Variants in CADM1 observed in about 807,000 individuals in gnomAD.
CADM1 encodes the protein cell adhesion molecule 1, also known as TSLC-1.
A neutral mutation model predicts 53.1 loss-of-function variants in CADM1; 15 were observed. That is an observed-to-expected ratio of 0.28 (90% CI 0.19 to 0.44). CADM1 has a LOEUF of 0.44. CADM1 is among the 20% of genes least tolerant of loss of function. The pLI is 1.00. For missense variants in CADM1, 434 were observed against 611.3 expected (o/e 0.71, Z 3.06); for synonymous variants, 281 against 243.0 (o/e 1.16, Z -1.45).
intron 1 of CADM1, among the ~76,000 whole-genome samples, chr11:115,302,949 G>A (rs1477498514): frequency 6.6e-6 from 1 of 152,006 alleles, no homozygotes; most frequent in Non-Finnish European, 1.5e-5. Context: ...CAAGATGCCA[G>A]AAGAAAAAAG....
At chr11:115,254,681 G>A (rs770312466) in intron 1 of CADM1, among the ~76,000 whole-genome samples, 1 of 152,004 alleles carries the variant, frequency 6.6e-6, no homozygotes, top group Non-Finnish European at 1.5e-5. Context: ...GTTGGGATAA[G>A]GGTGCAGCTT....
intron 1 of CADM1, among the ~76,000 whole-genome samples, chr11:115,288,059 G>T (rs1285004940): frequency 6.6e-6 from 1 of 152,204 alleles, no homozygotes; most frequent in African/African-American, 2.4e-5. Context: ...CATTCTGTGT[G>T]AAGAAATTCC....
Position 115,488,898 on chromosome 11 carries a change from C to G in CADM1, c.124+15373G>C, listed in dbSNP as rs563974469. On this transcript the variant is annotated intron_variant, in intron 1 of 11. Coordinates refer to ENST00000331581, the MANE Select transcript of CADM1 (RefSeq NM_001301043.2). ...GATCTATTTTTTGATCCTGTAGCCA[C>G]TGACTCCAGATACATCTTTATTACT... Among the ~76,000 whole-genome samples the G allele has an allele frequency of 1.3e-5, 2 of 152,324 alleles. 1 individual carries two copies. The highest frequency in any genetic ancestry group is 4.1e-4 in the South Asian group (2 of 4,828).
chr11:115,277,365 C>T (rs1315171335), intron 1 of CADM1, among the ~76,000 whole-genome samples: 1 of 152,112 alleles, frequency 6.6e-6, no homozygotes, highest in African/African-American at 2.4e-5. Flanking sequence ...TTAACAACAA[C>T]AGAATGTGCA....
At chr11:115,466,549 A>G (rs1429772198) in intron 1 of CADM1, among the ~76,000 whole-genome samples, 1 of 152,218 alleles carries the variant, frequency 6.6e-6, no homozygotes, top group Non-Finnish European at 1.5e-5. Flanking sequence ...TGGAAATATA[A>G]ATCAACAAGA....
chr11:115,466,127 C>A (rs1948894513), intron 1 of CADM1, among the ~76,000 whole-genome samples: 1 of 152,092 alleles, frequency 6.6e-6, no homozygotes, highest in Non-Finnish European at 1.5e-5. Flanking sequence ...AAAACTTCCA[C>A]CATTTCCCCC....
At chr11:115,485,032 T>C (rs950067406) in intron 1 of CADM1, among the ~76,000 whole-genome samples, 2 of 152,106 alleles carry the variant, frequency 1.3e-5, no homozygotes, top group Non-Finnish European at 2.9e-5. Flanking sequence ...GCTAAATCTC[T>C]AAGTCGAATC....
chr11:115,242,676 G>A (rs1238496704), intron 1 of CADM1, among the ~76,000 whole-genome samples: 3 of 152,130 alleles, frequency 2.0e-5, no homozygotes, highest in Non-Finnish European at 4.4e-5. Context: ...GGTCTTACTG[G>A]GTTATGGGAG....
At position 115,300,919 on chromosome 11, in the gene CADM1, G is replaced by A. The variant is rs1273722965; in HGVS notation, c.125-60499C>T. On this transcript the variant is annotated intron_variant, in intron 1 of 11. Coordinates refer to ENST00000331581, the MANE Select transcript of CADM1 (RefSeq NM_001301043.2). The stretch of plus-strand genomic sequence containing the variant: ...AAATTGCAAAAGTTCCGAGGAGAAG[G>A]GAGTTTCTCTAACCATCTATGAAGC... 2.0e-5 allele frequency among the ~76,000 whole-genome samples: 3 copies of A among 152,130 alleles called. No individual in the cohort carries two copies. The East Asian group carries it at 5.8e-4, about 29-fold the overall frequency.
chr11:115,261,700 G>T (rs1158373293), intron 1 of CADM1, among the ~76,000 whole-genome samples: 1 of 151,692 alleles, frequency 6.6e-6, no homozygotes, highest in Non-Finnish European at 1.5e-5. Context: ...ACATTGAAAA[G>T]ACTTTTGTAA....
chr11:115,447,670 A>C (rs1355481029), intron 1 of CADM1, among the ~76,000 whole-genome samples: 1 of 152,194 alleles, frequency 6.6e-6, no homozygotes, highest in African/African-American at 2.4e-5. Context: ...TGGATCCTGC[A>C]GAGCAGAGCA....
intron 1 of CADM1, among the ~76,000 whole-genome samples, chr11:115,462,034 G>A (rs2135374637): frequency 6.6e-6 from 1 of 152,220 alleles, no homozygotes; most frequent in African/African-American, 2.4e-5. Context: ...GGTAGAGGGA[G>A]AAAAAAGAGC....
At chr11:115,352,673 A>G (rs901546841) in intron 1 of CADM1, among the ~76,000 whole-genome samples, 3 of 152,196 alleles carry the variant, frequency 2.0e-5, no homozygotes, top group African/African-American at 7.2e-5. Flanking sequence ...GAGAAGGTAG[A>G]AAAAACACAG....
At chr11:115,320,127 G>A (rs1383943840) in intron 1 of CADM1, among the ~76,000 whole-genome samples, 2 of 152,088 alleles carry the variant, frequency 1.3e-5, no homozygotes, top group Admixed American at 1.3e-4. Flanking sequence ...GCAGTAGTGC[G>A]ATCATAGCTC....
chr11:115,276,477 C>G (rs1020866677), intron 1 of CADM1, among the ~76,000 whole-genome samples: 4 of 152,180 alleles, frequency 2.6e-5, no homozygotes, highest in Middle Eastern at 3.2e-3. Flanking sequence ...GCCAAGTCAA[C>G]AGACAAAGCG....
intron 1 of CADM1, chr11:115,240,932 C>T (rs543657708): frequency 1.2e-5 from 2 of 165,360 alleles, no homozygotes; most frequent in African/African-American, 4.8e-5. Flanking sequence ...GGCAGTTCAT[C>T]GTGTGTGAGT....
chr11:115,228,054 C>T (rs541809578), intron 5 of CADM1, among the ~76,000 whole-genome samples: 54 of 152,186 alleles, frequency 3.5e-4, no homozygotes, highest in East Asian at 1.4e-3. Flanking sequence ...AACACACAGA[C>T]GAGAGACCCA....
chr11:115,494,648 T>A (rs901773285), intron 1 of CADM1, among the ~76,000 whole-genome samples: 1 of 152,152 alleles, frequency 6.6e-6, no homozygotes, highest in Non-Finnish European at 1.5e-5. Flanking sequence ...TTTTACATAG[T>A]ATTTTCTTTT....
chr11:115,453,548 G>A (rs903823753), intron 1 of CADM1, among the ~76,000 whole-genome samples: 6 of 152,130 alleles, frequency 3.9e-5, no homozygotes, highest in Non-Finnish European at 8.8e-5. Context: ...ACCCAGGCTG[G>A]AGTGCAGTGA....
Sources: allele counts gnomAD v4.1 joint callset (sites outside exome capture counted in the v4.1 genomes callset), GRCh38; gene constraint gnomAD v4.1.1; transcripts MANE v1.5; gene names NCBI Gene and HGNC (gene_info 2026-07-23, HGNC 2026-07-21).